The following ABTB2 variants were observed in gnomAD, a reference collection of about 807,000 sequenced individuals.
ABTB2 encodes ankyrin repeat and BTB/POZ domain-containing protein 2.
Under a neutral mutation model 104.1 loss-of-function variants are expected in ABTB2, and 56 were observed. That is an observed-to-expected ratio of 0.54 (90% CI 0.43 to 0.67). The LOEUF (loss-of-function observed/expected upper bound fraction) is 0.67. ABTB2 is among the 30% of genes least tolerant of loss of function. The probability of loss-of-function intolerance (pLI) is 0.00; values close to 1 mark genes in which losing one functional copy is unlikely to be tolerated. For missense variants in ABTB2, 1,279 were observed against 1,407.7 expected (o/e 0.91, Z 1.46); for synonymous variants, 606 against 608.2 (o/e 1.00, Z 0.05).
chr11:34,290,562 C>G (rs180681844), intron 1 of ABTB2, among the ~76,000 whole-genome samples: 1 of 152,260 alleles, frequency 6.6e-6, no homozygotes, highest in East Asian at 1.9e-4. Flanking sequence ...ACCAGAGTGC[C>G]AAGTGCTGTG....
At position 34,198,447 on chromosome 11, in the gene ABTB2, ACAAC is replaced by A. The variant is rs1565138664; in HGVS notation, c.1031-913_1031-910del. On this transcript the variant is annotated intron_variant, in intron 2 of 16. Coordinates refer to ENST00000435224, the MANE Select transcript of ABTB2 (RefSeq NM_145804.3). ...TTTGTCTCAAAAAAACAAACAAACA[ACAAC>A]AACAAAAAAAAACAAAAACTTGAGG... Among the ~76,000 whole-genome samples, 587 of 87,020 alleles carry A rather than the reference ACAAC, an allele frequency of 6.7e-3. 6 individuals are homozygous for A. The highest frequency in any genetic ancestry group is 0.022 in the African/African-American group (539 of 24,510). The allele number at this position is 87,020 out of a possible 152,430, so 57.1% of individuals were successfully genotyped here.
intron 1 of ABTB2, among the ~76,000 whole-genome samples, chr11:34,344,973 C>G (rs1285479599): frequency 1.3e-5 from 2 of 152,210 alleles, no homozygotes; most frequent in Non-Finnish European, 2.9e-5. Context: ...CTCTCTCATA[C>G]CTCACACATC....
At position 34,180,906 on chromosome 11, in the gene ABTB2, G is replaced by GTTTGT. The variant is rs572823918; in HGVS notation, c.1245-7604_1245-7600dup. Among the ~76,000 whole-genome samples, 413 of 152,180 alleles carry GTTTGT rather than the reference G, an allele frequency of 2.7e-3. 2 individuals are homozygous for GTTTGT. The highest frequency in any genetic ancestry group is 8.7e-3 in the African/African-American group (360 of 41,526). ...AGAGTATAAGCTTCTTAAGGCCTTG[G>GTTTGT]TTTGTTTTGTTTTGTTTTGAGACAG... On this transcript the variant is annotated intron_variant, in intron 3 of 16. Transcript: ENST00000435224.
chr11:34,219,866 G>A (rs1853596468), intron 1 of ABTB2, among the ~76,000 whole-genome samples: 1 of 152,200 alleles, frequency 6.6e-6, no homozygotes, highest in South Asian at 2.1e-4. Context: ...ATGCATGGCT[G>A]TAGTAGAAAC....
chr11:34,181,261 CAAA>C (rs869289831), intron 3 of ABTB2, among the ~76,000 whole-genome samples: 8 of 54,518 alleles, frequency 1.5e-4, no homozygotes, highest in East Asian at 3.1e-4. Context: ...AACAAACAAA[CAAA>C]AAAAACAACC....
In ABTB2 at chr11:34,206,909, C is replaced by T. The variant is rs559422354; in HGVS notation, c.884-2219G>A. Among the ~76,000 whole-genome samples the T allele has an allele frequency of 6.1e-4, 93 of 152,318 alleles. 1 individual carries two copies. Among genetic ancestry groups the T allele is most frequent in the South Asian group, 2.3e-3 (11 of 4,826 alleles). On this transcript the variant is annotated intron_variant, in intron 1 of 16. Coordinates refer to ENST00000435224, the MANE Select transcript of ABTB2 (RefSeq NM_145804.3). ...TGGATGGCAGCGACCCCTCTCATCACATCCAGTGCTGACTTAGCAAAGCAC... is the reference window on the plus strand; with the variant it reads ...TGGATGGCAGCGACCCCTCTCATCATATCCAGTGCTGACTTAGCAAAGCAC...
chr11:34,172,371 C>CAAAA lies in ABTB2; in HGVS notation c.1397+780_1397+783dup, dbSNP rs1230787869. 1.0e-3 allele frequency among the ~76,000 whole-genome samples: 64 copies of CAAAA among 61,676 alleles called. 4 individuals carry two copies. The highest frequency in any genetic ancestry group is 1.9e-3 in the Admixed American group (8 of 4,292). 40.5% of individuals were successfully genotyped at this position (61,676 alleles called of 152,430 possible). ...TGGGCAACAGAGTGAAACTCTGTCT[C>CAAAA]AAAAAAAAAAAAAAAAAAAAAAAAA... On this transcript the variant is annotated intron_variant, in intron 4 of 16. Coordinates refer to ENST00000435224, the MANE Select transcript of ABTB2 (RefSeq NM_145804.3).
chr11:34,318,085 G>A (rs1014455790), intron 1 of ABTB2, among the ~76,000 whole-genome samples: 1 of 151,920 alleles, frequency 6.6e-6, no homozygotes, highest in African/African-American at 2.4e-5. Flanking sequence ...TCCTGCCTCA[G>A]CCTCCCAAGT....
At chr11:34,178,256 C>T (rs900134672) in intron 3 of ABTB2, among the ~76,000 whole-genome samples, 2 of 152,184 alleles carry the variant, frequency 1.3e-5, no homozygotes, top group Non-Finnish European at 2.9e-5. Flanking sequence ...GGCCTTACTC[C>T]TTGGTCCACC....
intron 14 of ABTB2, among the ~76,000 whole-genome samples, chr11:34,155,785 C>A (rs1446891060): frequency 6.6e-6 from 1 of 152,230 alleles, no homozygotes; most frequent in East Asian, 1.9e-4. Flanking sequence ...CTGGGAAGCT[C>A]CCACGGCCTT....
chr11:34,312,423 T>A (rs571386429), intron 1 of ABTB2, among the ~76,000 whole-genome samples: 1 of 152,140 alleles, frequency 6.6e-6, no homozygotes, highest in African/African-American at 2.4e-5. Context: ...CTGTAGGGGG[T>A]CACCTTGAGG....
At chr11:34,321,789 G>C (rs1409207126) in intron 1 of ABTB2, among the ~76,000 whole-genome samples, 1 of 152,300 alleles carries the variant, frequency 6.6e-6, no homozygotes, top group South Asian at 2.1e-4. Flanking sequence ...CCAAACCAAG[G>C]GAAAAGAAAC....
At chr11:34,258,633 C>T (rs1207102210) in intron 1 of ABTB2, among the ~76,000 whole-genome samples, 37 of 101,274 alleles carry the variant, frequency 3.7e-4, no homozygotes, top group African/African-American at 5.9e-4. Context: ...TTTTTTGAGA[C>T]GGAGTCTTGC....
chr11:34,165,976 G>T (rs974635548), intron 7 of ABTB2, among the ~76,000 whole-genome samples: 1 of 152,228 alleles, frequency 6.6e-6, no homozygotes, highest in Non-Finnish European at 1.5e-5. Flanking sequence ...GCAAGGGCGG[G>T]CTTTGACAGG....
At position 34,350,809 on chromosome 11, in the gene ABTB2, G is replaced by T. The variant is rs541227172; in HGVS notation, c.883+5892C>A. Among the ~76,000 whole-genome samples, 97 of 152,326 alleles carry T rather than the reference G, an allele frequency of 6.4e-4. 1 individual carries two copies. Among genetic ancestry groups the T allele is most frequent in the Middle Eastern group, 6.8e-3 (2 of 294 alleles). ...ACCTGTATTTGCTACCTTGGATTCT[G>T]TAATTCTTTATAGGAAAAGCACAGG... is the stretch of plus-strand genomic sequence containing the variant. On this transcript the variant is annotated intron_variant, in intron 1 of 16. Coordinates refer to ENST00000435224, the MANE Select transcript of ABTB2 (RefSeq NM_145804.3).
At chr11:34,303,939 G>A (rs1854742197) in intron 1 of ABTB2, among the ~76,000 whole-genome samples, 1 of 152,128 alleles carries the variant, frequency 6.6e-6, no homozygotes, top group South Asian at 2.1e-4. Context: ...CACCACGCCT[G>A]GCCTCAGCTA....
chr11:34,245,473 C>T (rs1192546289), intron 1 of ABTB2, among the ~76,000 whole-genome samples: 3 of 152,200 alleles, frequency 2.0e-5, no homozygotes, highest in Non-Finnish European at 2.9e-5. Flanking sequence ...CTGTGCAAGT[C>T]CTGAGGCCTA....
chr11:34,321,800 C>T (rs907032155), intron 1 of ABTB2, among the ~76,000 whole-genome samples: 4 of 152,192 alleles, frequency 2.6e-5, no homozygotes, highest in African/African-American at 9.6e-5. Flanking sequence ...GAAAAGAAAC[C>T]CTTCCAGAGA....
At chr11:34,181,616 G>A (rs1853028243) in intron 3 of ABTB2, among the ~76,000 whole-genome samples, 1 of 152,154 alleles carries the variant, frequency 6.6e-6, no homozygotes, top group Non-Finnish European at 1.5e-5. Flanking sequence ...AGCTAAGAAG[G>A]GCCTCGAGAC....
Sources: gnomAD v4.1 joint callset for allele counts (sites outside exome capture counted in the v4.1 genomes callset) on GRCh38, gnomAD v4.1.1 for gene constraint, MANE v1.5 for transcripts, NCBI Gene and HGNC (gene_info 2026-07-23, HGNC 2026-07-21) for gene names.